Variants in PFKFB4 observed in about 807,000 individuals in gnomAD.
PFKFB4 encodes the protein 6-phosphofructo-2-kinase/fructose-2,6-bisphosphatase 4.
Under a neutral mutation model 62.8 loss-of-function variants are expected in PFKFB4, and 42 were observed. The ratio of observed to expected loss-of-function variants is 0.67; its 90% CI spans 0.52 to 0.86. The LOEUF (loss-of-function observed/expected upper bound fraction) is 0.86, where lower values mean the gene tolerates loss of function less well. PFKFB4 is among the 40% of genes least tolerant of loss of function. PFKFB4 has a pLI of 0.00. For missense variants in PFKFB4, 475 were observed against 627.2 expected, an observed-to-expected ratio of 0.76 and a Z score of 2.59; for synonymous variants, 204 against 240.7, an observed-to-expected ratio of 0.85 and a Z score of 1.41.
intron 7 of PFKFB4, chr3:48,536,702 A>AT (rs2042630202): frequency 1.9e-6 from 1 of 522,564 alleles, no homozygotes; most frequent in South Asian, 2.6e-5. Flanking sequence ...GTCACTCATC[A>AT]TGCTTCCCAA....
rs772403237 is a variant in PFKFB4, at chr3:48,556,649, C to T, written c.97+32G>A. On this transcript the variant is annotated intron_variant, in intron 1 of 13. Transcript: ENST00000232375. This position sits in a 1 kb window ranked among gnomAD's most constrained non-coding sequence, Gnocchi z 5.7. Reference sequence around the variant, plus strand: ...GCCCTACCCACCCATCCCGGTGCACCTCCCACCTCCTCCCAGAGGACCCCG... The same window carrying T: ...GCCCTACCCACCCATCCCGGTGCACTTCCCACCTCCTCCCAGAGGACCCCG... 2 of 1,606,090 alleles carry T rather than the reference C, an allele frequency of 1.2e-6. No homozygotes were observed. The highest frequency in any genetic ancestry group is 1.7e-6 in the Non-Finnish European group (2 of 1,175,620).
chr3:48,556,821 A>C (rs774231904), upstream of PFKFB4: 2 of 1,564,752 alleles, frequency 1.3e-6, no homozygotes, highest in Non-Finnish European at 1.7e-6. The surrounding 1 kb of genome is among the most constrained non-coding windows in gnomAD (Gnocchi z 5.7). Context: ...CCAACCCAGC[A>C]GCCGGGCCAC....
chr3:48,543,685 C>A, intron 3 of PFKFB4, 39 bp from the exon 4 acceptor site: 1 of 1,568,194 alleles, frequency 6.4e-7, no homozygotes, highest in Non-Finnish European at 8.7e-7. Context: ...CAGCACCCGA[C>A]CCTGGCTCCA....
intron 3 of PFKFB4, chr3:48,548,664 A>G: frequency 6.6e-6 from 1 of 152,306 alleles, no homozygotes. Flanking sequence ...CCTCATCTGT[A>G]AAAGTAGGGG....
At chr3:48,561,079 C>G (rs528646407), upstream of PFKFB4, 18 of 1,283,528 alleles carry the variant, frequency 1.4e-5, no homozygotes, top group East Asian at 9.3e-4. This position sits in a 1 kb window ranked among gnomAD's most constrained non-coding sequence, Gnocchi z 5.2. Context: ...GGCCCCAGGT[C>G]GGTCAGGGAG....
In PFKFB4 at chr3:48,556,706, G is replaced by T; in HGVS notation, c.72C>A (p.Pro24=). The T allele has an allele frequency of 6.2e-7, 1 of 1,610,296 alleles. No individual in the cohort carries two copies. Among genetic ancestry groups the T allele is most frequent in the Non-Finnish European group, 8.5e-7 (1 of 1,178,270 alleles). Reference sequence around the variant, plus strand: ...CACCGCGCTGGCAAGCGTGCAGAGCGGGCCGCCCATTGCTGTATGGCATCC... The same window carrying T: ...CACCGCGCTGGCAAGCGTGCAGAGCTGGCCGCCCATTGCTGTATGGCATCC... ...KIWMPYSNGR[P]ALHACQRGVC... Residue 24 remains proline (P), a synonymous_variant, in exon 1 of 14, where the codon CCC becomes CCA. Coordinates refer to ENST00000232375, the MANE Select transcript of PFKFB4 (RefSeq NM_004567.4). This position sits in a 1 kb window ranked among gnomAD's most constrained non-coding sequence, Gnocchi z 5.7.
At chr3:48,538,872 G>C (rs934072636) in intron 6 of PFKFB4, among the ~76,000 whole-genome samples, 4 of 152,180 alleles carry the variant, frequency 2.6e-5, no homozygotes, top group African/African-American at 9.7e-5. Context: ...GGGAGGCCTG[G>C]AGGCCGTTCC....
chr3:48,525,808 A>G (rs2042239419), intron 9 of PFKFB4, 139 bp from the exon 10 acceptor site: 1 of 477,012 alleles, frequency 2.1e-6, no homozygotes, highest in Non-Finnish European at 3.8e-6. Context: ...AACCTGTCTA[A>G]GGAGGGGAGG....
In PFKFB4 at chr3:48,521,845, G is replaced by A. The variant is rs1428693648; in HGVS notation, c.1350+141C>T. The A allele has an allele frequency of 2.7e-6, 2 of 749,856 alleles. No individual in the cohort carries two copies. Among genetic ancestry groups the A allele is most frequent in the East Asian group, 2.6e-5 (1 of 38,960 alleles). The allele number at this position is 749,856 out of a possible 1,614,324, so 46.5% of individuals were successfully genotyped here. On this transcript the variant is annotated intron_variant, in intron 13 of 13. Coordinates refer to ENST00000232375, the MANE Select transcript of PFKFB4 (RefSeq NM_004567.4). The surrounding 1 kb of genome is among the most constrained non-coding windows in gnomAD (Gnocchi z 5.3). The stretch of plus-strand genomic sequence containing the variant: ...CCACCCAGAGCCAGGGCCCCGCCCT[G>A]CTGATGGGACAACAGTCTTGGCAGA...
chr3:48,541,733 G>A (rs1008556400), intron 4 of PFKFB4, among the ~76,000 whole-genome samples: 9 of 152,120 alleles, frequency 5.9e-5, no homozygotes, highest in African/African-American at 2.2e-4. Context: ...TCGGAGGCTG[G>A]GGCAGGCAAA....
chr3:48,560,562 G>C (rs2043416745), upstream of PFKFB4, among the ~76,000 whole-genome samples: 1 of 152,192 alleles, frequency 6.6e-6, no homozygotes, highest in Non-Finnish European at 1.5e-5. Context: ...ACACAGAAAG[G>C]GTTCAGAGAG....
At position 48,539,684 on chromosome 3, in the gene PFKFB4, A is replaced by AAGGAGG; in HGVS notation, c.453+7_453+12dup. 3 of 1,602,946 alleles carry AAGGAGG rather than the reference A, an allele frequency of 1.9e-6. No individual in the cohort carries two copies. In the East Asian group the frequency reaches 6.7e-5, roughly 36 times the overall value. Reference sequence around the variant, plus strand: ...CACAGTTCCGCCAAGGAGAGGAGCCAAGGAGGCCTCACCTTGTAGCCATTC... The same window carrying AAGGAGG: ...CACAGTTCCGCCAAGGAGAGGAGCCAAGGAGGAGGAGGCCTCACCTTGTAGCCATTC... On this transcript the variant is annotated intron_variant, in intron 5 of 13. Transcript: ENST00000232375.
chr3:48,536,334 G>A lies in PFKFB4; in HGVS notation c.762C>T (p.Leu254=). 1 of 1,614,238 alleles carries A rather than the reference G, an allele frequency of 6.2e-7. No individual in the cohort carries two copies. The highest frequency in any genetic ancestry group is 8.5e-7 in the Non-Finnish European group (1 of 1,180,044). ...NIHVTPRSIY[L]CRHGESELNL... ...TGAGCTCGCTCTCCCCGTGCCGGCAGAGGTAGATGGAGCGGGGGGTCACGT... is the reference window on the plus strand; with the variant it reads ...TGAGCTCGCTCTCCCCGTGCCGGCAAAGGTAGATGGAGCGGGGGGTCACGT... The change falls in exon 8 of 14, where the codon CTC becomes CTT. Residue 254 remains leucine, a synonymous_variant. Transcript: ENST00000232375.
upstream of PFKFB4, chr3:48,559,898 C>CCACACA (rs34826551): frequency 0.022 from 4,226 of 191,602 alleles, 113 homozygotes; most frequent in African/African-American, 0.027. Context: ...AACCATCCCA[C>CCACACA]CACACACACA....
chr3:48,551,647 C>T (rs939625302), intron 1 of PFKFB4, among the ~76,000 whole-genome samples: 2 of 140,360 alleles, frequency 1.4e-5, no homozygotes, highest in African/African-American at 2.6e-5. Context: ...CGGGCTCAAG[C>T]AATTCTCGTG....
At chr3:48,559,554 G>T, upstream of PFKFB4, 1 of 457,170 alleles carries the variant, frequency 2.2e-6, no homozygotes, top group South Asian at 1.5e-5. Flanking sequence ...TGCTGTCCCA[G>T]CGTCTGCTCT....
intron 7 of PFKFB4, chr3:48,536,709 C>T: frequency 2.0e-6 from 1 of 508,704 alleles, no homozygotes; most frequent in Non-Finnish European, 3.5e-6. Context: ...ATCATGCTTC[C>T]CAAAGGTGAC....
In PFKFB4 at chr3:48,521,858, C is replaced by T. The variant is rs563060744; in HGVS notation, c.1350+128G>A. Reference sequence around the variant, plus strand: ...GGGCCCCGCCCTGCTGATGGGACAACAGTCTTGGCAGAAGACTCAAGCTCC... The same window carrying T: ...GGGCCCCGCCCTGCTGATGGGACAATAGTCTTGGCAGAAGACTCAAGCTCC... On this transcript the variant is annotated intron_variant, in intron 13 of 13. Transcript: ENST00000232375. This position sits in a 1 kb window ranked among gnomAD's most constrained non-coding sequence, Gnocchi z 5.3. The T allele has an allele frequency of 1.9e-4, 154 of 812,966 alleles. 2 individuals carry two copies. The South Asian group carries it at 2.1e-3, about 11-fold the overall frequency. 50.4% of individuals were successfully genotyped at this position (812,966 alleles called of 1,614,324 possible).
chr3:48,551,519 CTTTTTTTTTTTTTTTTTTTTT>C (rs71074260), intron 1 of PFKFB4, among the ~76,000 whole-genome samples: 1 of 29,080 alleles, frequency 3.4e-5, no homozygotes, highest in Non-Finnish European at 5.6e-5. Flanking sequence ...CTCCAGCCTT[CTTTTTTTTTTTTTTTTTTTTT>C]TTTTTTTTTT....
Sources: gnomAD v4.1 joint callset for allele counts (sites outside exome capture counted in the v4.1 genomes callset) on GRCh38, gnomAD v4.1.1 for gene constraint, Gnocchi (gnomAD v3.1) non-coding constraint, MANE v1.5 for transcripts, NCBI Gene and HGNC (gene_info 2026-07-23, HGNC 2026-07-21) for gene names.